Variants in LARP4B observed in about 807,000 individuals in gnomAD.
LARP4B encodes the protein La ribonucleoprotein 4B.
Under a neutral mutation model 89.8 loss-of-function variants are expected in LARP4B, and 12 were observed. The ratio of observed to expected loss-of-function variants is 0.13; its 90% CI spans 0.09 to 0.22. LARP4B has a LOEUF of 0.22. Among genes scored for constraint, LARP4B ranks in the 10% least tolerant of loss-of-function variants. The pLI, the probability that LARP4B is intolerant of heterozygous loss-of-function variation, is 1.00. For synonymous variants in LARP4B, 367 were observed against 363.3 expected, an observed-to-expected ratio of 1.01 and a Z score of -0.12; for missense variants, 757 against 947.7, an observed-to-expected ratio of 0.80 and a Z score of 2.64.
At chr10:962,926 T>C in the LARP4B span, among the ~76,000 whole-genome samples, 1 of 152,030 alleles carries the variant, frequency 6.6e-6, no homozygotes, top group Non-Finnish European at 1.5e-5. Flanking sequence ...CCACCTGAAC[T>C]CCGGACGCAG....
chr10:837,688 G>A lies in LARP4B; in HGVS notation c.647-1182C>T, dbSNP rs920852465. Among the ~76,000 whole-genome samples, 6 of 152,264 alleles carry A rather than the reference G, an allele frequency of 3.9e-5. No individual in the cohort carries two copies. The East Asian group carries it at 7.7e-4, about 20-fold the overall frequency. On this transcript the variant is annotated intron_variant, in intron 7 of 17. Transcript: ENST00000316157. Reference sequence around the variant, plus strand: ...CAATACGACAAGGCCCCAGACACGTGGGGTGCTGCAACAGATGCACACAGG... The same window carrying A: ...CAATACGACAAGGCCCCAGACACGTAGGGTGCTGCAACAGATGCACACAGG...
chr10:822,568 T>C lies in LARP4B; in HGVS notation c.1485-1723A>G, dbSNP rs762375179. ...AGACCCAGAAGCCCACCTGCAGCCG[T>C]AGAACACTGTCAGCTGTCAGTGCCC... On this transcript the variant is annotated intron_variant, in intron 13 of 17. Transcript: ENST00000316157. The surrounding 1 kb of genome is among the most constrained non-coding windows in gnomAD (Gnocchi z 4.6). Among the ~76,000 whole-genome samples, 8 of 152,148 alleles carry C rather than the reference T, an allele frequency of 5.3e-5. No individual in the cohort carries two copies. The highest frequency in any genetic ancestry group is 7.4e-5 in the Non-Finnish European group (5 of 68,012).
In LARP4B at chr10:830,949, T is replaced by G. The variant is rs748345301; in HGVS notation, c.779A>C (p.Asn260Thr). 1.6e-6 allele frequency: 2 copies of G among 1,214,248 alleles called. No homozygotes were observed. Among genetic ancestry groups the G allele is most frequent in the African/African-American group, 3.0e-5 (2 of 67,074 alleles). The allele number at this position is 1,214,248 out of a possible 1,614,324, so 75.2% of individuals were successfully genotyped here. ...EEVEALFKGDNLPKFINCEFA... is the reference protein window; with the variant it reads ...EEVEALFKGDTLPKFINCEFA... Reference sequence around the variant, plus strand: ...TTCACAGTTTATAAATTTTGGTAAATTATCTCCTTTAAATAGTGCTTCTAC... The same window carrying G: ...TTCACAGTTTATAAATTTTGGTAAAGTATCTCCTTTAAATAGTGCTTCTAC... Residue 260 changes from asparagine (N) to threonine (T), a missense_variant, in exon 9 of 18, where the codon AAT becomes ACT. Asn to Thr is a moderately conservative substitution (Grantham distance 65). Around this residue, in one of 5 missense-constraint regions of LARP4B, gnomAD observed 137 missense variants for 213.9 expected, o/e 0.64. Transcript: ENST00000316157.
At chr10:823,717 C>A (rs1298477680) in intron 13 of LARP4B, among the ~76,000 whole-genome samples, 1 of 151,852 alleles carries the variant, frequency 6.6e-6, no homozygotes, top group Non-Finnish European at 1.5e-5. Context: ...GCTCTGCAAC[C>A]CTCCTCCCTC....
At chr10:949,827 A>T in the LARP4B span, among the ~76,000 whole-genome samples, 3 of 151,508 alleles carry the variant, frequency 2.0e-5, no homozygotes, top group African/African-American at 7.3e-5. Flanking sequence ...TCTTTTTTTG[A>T]CACAGGGTTT....
intron 1 of LARP4B, among the ~76,000 whole-genome samples, chr10:920,582 T>C (rs111256604): frequency 5.9e-5 from 9 of 152,178 alleles, no homozygotes; most frequent in African/African-American, 1.9e-4. Context: ...CAGACCAGCC[T>C]GGCCAATATG....
chr10:957,106 T>C, the LARP4B span, among the ~76,000 whole-genome samples: 1 of 151,992 alleles, frequency 6.6e-6, no homozygotes, highest in African/African-American at 2.4e-5. Flanking sequence ...GATGGGAGAG[T>C]GCAAGCTCTT....
intron 3 of LARP4B, chr10:873,092 G>GT (rs1207114705): frequency 1.0e-6 from 1 of 985,104 alleles, no homozygotes; most frequent in East Asian, 1.1e-4. Flanking sequence ...TAACAGGCCA[G>GT]TTTTTTCACT....
At chr10:816,974 G>A (rs73582596) in intron 15 of LARP4B, among the ~76,000 whole-genome samples, 43 of 152,296 alleles carry the variant, frequency 2.8e-4, no homozygotes, top group African/African-American at 7.2e-4. Context: ...GAACAGACAC[G>A]TGGTAACTCT....
chr10:836,519 G>A lies in LARP4B; in HGVS notation c.647-13C>T. On this transcript the variant is annotated splice_polypyrimidine_tract_variant and intron_variant, in intron 7 of 17. Coordinates refer to ENST00000316157, the MANE Select transcript of LARP4B (RefSeq NM_015155.3). ...ACTAAAGGTAAAGCTACAAAGAGAAGAAAAATCAATGGTGAAACAAAAATA... is the reference window on the plus strand; with the variant it reads ...ACTAAAGGTAAAGCTACAAAGAGAAAAAAAATCAATGGTGAAACAAAAATA... 2 of 1,538,764 alleles carry A rather than the reference G, an allele frequency of 1.3e-6. No homozygotes were observed. Among genetic ancestry groups the A allele is most frequent in the Non-Finnish European group, 9.0e-7 (1 of 1,115,760 alleles).
At chr10:862,256 T>TAAAAAAAAAAAAAAAAAAAAAAAAAA (rs10661482) in intron 5 of LARP4B, among the ~76,000 whole-genome samples, 3 of 84,396 alleles carry the variant, frequency 3.6e-5, no homozygotes, top group African/African-American at 5.2e-5. Flanking sequence ...CCACTGAAGT[T>TAAAAAAAAAAAAAAAAAAAAAAAAAA]AAAAAAAAAA....
At chr10:875,299 G>A (rs1392904884) in intron 3 of LARP4B, among the ~76,000 whole-genome samples, 2 of 152,130 alleles carry the variant, frequency 1.3e-5, no homozygotes, top group Non-Finnish European at 2.9e-5. Flanking sequence ...AGCCAACACC[G>A]ACATCTATTT....
chr10:860,146 T>C (rs1272513510), intron 5 of LARP4B, among the ~76,000 whole-genome samples: 1 of 148,300 alleles, frequency 6.7e-6, no homozygotes, highest in Admixed American at 6.7e-5. Context: ...GGGGAGTATA[T>C]GGGAGATCTC....
chr10:928,424 A>G (rs1169597943), intron 1 of LARP4B, among the ~76,000 whole-genome samples: 1 of 152,206 alleles, frequency 6.6e-6, no homozygotes, highest in East Asian at 1.9e-4. Flanking sequence ...TAACATGACA[A>G]TGAAATAACA....
chr10:982,696 T>C, the LARP4B span, among the ~76,000 whole-genome samples: 6 of 152,364 alleles, frequency 3.9e-5, no homozygotes, highest in African/African-American at 9.6e-5. Flanking sequence ...TTGAATGTGT[T>C]TCAACTTCTG....
chr10:851,971 C>G (rs76850376), intron 5 of LARP4B, among the ~76,000 whole-genome samples: 1,684 of 152,164 alleles, frequency 0.011, 33 homozygotes, highest in African/African-American at 0.038. Flanking sequence ...GAGGCTAAGG[C>G]GGGAGAATCG....
the LARP4B span, among the ~76,000 whole-genome samples, chr10:964,700 G>A: frequency 2.0e-5 from 3 of 152,310 alleles, no homozygotes; most frequent in Non-Finnish European, 2.9e-5. Flanking sequence ...CCCCTCTGAA[G>A]ATAACGCTGT....
chr10:925,561 C>T lies in LARP4B; in HGVS notation c.-40+5867G>A, dbSNP rs191817831. The stretch of plus-strand genomic sequence containing the variant: ...TTATTTCATTTTTTTTCAGACAGAG[C>T]CTCACTCTGTCGCCCAGGCTGGAGT... On this transcript the variant is annotated intron_variant, in intron 1 of 17. Transcript: ENST00000316157. Among the ~76,000 whole-genome samples the T allele has an allele frequency of 4.4e-3, 676 of 152,006 alleles. 7 individuals are homozygous for T. Among genetic ancestry groups the T allele is most frequent in the African/African-American group, 0.015 (621 of 41,440 alleles).
intron 3 of LARP4B, among the ~76,000 whole-genome samples, chr10:881,479 C>T (rs1462374348): frequency 6.6e-6 from 1 of 152,202 alleles, no homozygotes; most frequent in Non-Finnish European, 1.5e-5. Context: ...CCTCTATCTC[C>T]ACCCCACACT....
Sources: gnomAD v4.1 joint callset for allele counts (sites outside exome capture counted in the v4.1 genomes callset) on GRCh38, gnomAD v4.1.1 for gene constraint, gnomAD v4.1.1 regional missense constraint, Gnocchi (gnomAD v3.1) non-coding constraint, MANE v1.5 for transcripts, NCBI Gene and HGNC (gene_info 2026-07-23, HGNC 2026-07-21) for gene names.